The following MACROD2 variants were observed in gnomAD, a reference collection of about 807,000 sequenced individuals.
MACROD2 encodes ADP-ribose glycohydrolase MACROD2.
MACROD2 carries 36 observed loss-of-function variants against 70.4 expected under a neutral mutation model. The ratio of observed to expected loss-of-function variants is 0.51; its 90% CI spans 0.39 to 0.68. The LOEUF is 0.68. Ranked by LOEUF, MACROD2 falls within the 30% of genes least tolerant of loss-of-function variation. MACROD2 has a pLI of 0.00. For synonymous variants in MACROD2, 172 were observed against 178.8 expected, an observed-to-expected ratio of 0.96 and a Z score of 0.30; for missense variants, 496 against 538.4, an observed-to-expected ratio of 0.92 and a Z score of 0.78.
chr20:15,066,118 T>TTTTTTATTTTTAA, intron 5 of MACROD2, among the ~76,000 whole-genome samples: 1 of 151,020 alleles, frequency 6.6e-6, no homozygotes, highest in Non-Finnish European at 1.5e-5. Flanking sequence ...TTTCTTTTTT[T>TTTTTTATTTTTAA]TTTTTATTTT....
intron 5 of MACROD2, among the ~76,000 whole-genome samples, chr20:15,145,208 G>A (rs1179648863): frequency 1.3e-5 from 2 of 152,086 alleles, no homozygotes; most frequent in Non-Finnish European, 2.9e-5. Context: ...GGTGGTCAAC[G>A]CTATGCTTCC....
At chr20:14,266,107 T>C (rs1201363327) in intron 3 of MACROD2, among the ~76,000 whole-genome samples, 1 of 152,198 alleles carries the variant, frequency 6.6e-6, no homozygotes, top group African/African-American at 2.4e-5. Flanking sequence ...ACTTCATTTT[T>C]CTTTTGGCTT....
At position 15,945,495 on chromosome 20, in the gene MACROD2, C is replaced by T. The variant is rs2065809714; in HGVS notation, c.907+7951C>T. ...CAATAGACATCTTTGCACACATATCCTTATATGCTGATGCTTTTATTTGTA... is the reference window on the plus strand; with the variant it reads ...CAATAGACATCTTTGCACACATATCTTTATATGCTGATGCTTTTATTTGTA... On this transcript the variant is annotated intron_variant, in intron 12 of 17. Transcript: ENST00000684519. 3.3e-5 allele frequency among the ~76,000 whole-genome samples: 5 copies of T among 152,292 alleles called. No homozygotes were observed. The South Asian group carries it at 1.0e-3, about 32-fold the overall frequency.
chr20:14,437,433 A>C (rs1489403504), intron 3 of MACROD2, among the ~76,000 whole-genome samples: 1 of 152,064 alleles, frequency 6.6e-6, no homozygotes, highest in Non-Finnish European at 1.5e-5. Context: ...TCTCTACTAA[A>C]AATACAAAAA....
chr20:14,719,343 G>T (rs1325945737), intron 5 of MACROD2, among the ~76,000 whole-genome samples: 1 of 151,800 alleles, frequency 6.6e-6, no homozygotes, highest in Admixed American at 6.6e-5. Flanking sequence ...ACTCATTTCA[G>T]TACCTATTTT....
At chr20:15,647,733 T>TG in intron 8 of MACROD2, among the ~76,000 whole-genome samples, 1 of 151,786 alleles carries the variant, frequency 6.6e-6, no homozygotes, top group South Asian at 2.1e-4. Context: ...TTTTTTTTTT[T>TG]TTTTGAGATG....
At chr20:14,270,206 C>T (rs1348608144) in intron 3 of MACROD2, among the ~76,000 whole-genome samples, 1 of 152,048 alleles carries the variant, frequency 6.6e-6, no homozygotes, top group Non-Finnish European at 1.5e-5. Flanking sequence ...TCTATATGCA[C>T]ACAAACATAT....
At chr20:15,036,569 G>A (rs754408831) in intron 5 of MACROD2, among the ~76,000 whole-genome samples, 4 of 151,966 alleles carry the variant, frequency 2.6e-5, no homozygotes, top group East Asian at 3.9e-4. Context: ...TCATAATCAC[G>A]CACTCATCTT....
At chr20:15,095,913 G>A (rs2075828069) in intron 5 of MACROD2, among the ~76,000 whole-genome samples, 2 of 151,974 alleles carry the variant, frequency 1.3e-5, no homozygotes, top group Non-Finnish European at 2.9e-5. Context: ...AAGCAAAAGA[G>A]AGATTAAAAT....
intron 8 of MACROD2, among the ~76,000 whole-genome samples, chr20:15,558,710 T>C (rs897643387): frequency 2.6e-5 from 4 of 152,204 alleles, no homozygotes; most frequent in Admixed American, 1.3e-4. Context: ...TTGGCTGAGC[T>C]CAAGAAGTGT....
At chr20:14,830,945 GC>G (rs1807552581) in intron 5 of MACROD2, among the ~76,000 whole-genome samples, 1 of 151,988 alleles carries the variant, frequency 6.6e-6, no homozygotes, top group South Asian at 2.1e-4. Flanking sequence ...ATCTTAACTG[GC>G]TTTACCTGTA....
At chr20:14,768,520 T>C (rs1361030061) in intron 5 of MACROD2, among the ~76,000 whole-genome samples, 1 of 152,090 alleles carries the variant, frequency 6.6e-6, no homozygotes, top group Non-Finnish European at 1.5e-5. Flanking sequence ...GATCTCTTTA[T>C]GGTGCCTAGG....
At chr20:15,968,301 C>T (rs1400744750) in intron 13 of MACROD2, among the ~76,000 whole-genome samples, 3 of 152,146 alleles carry the variant, frequency 2.0e-5, no homozygotes, top group Non-Finnish European at 4.4e-5. Context: ...AATGGAGTCA[C>T]AGTTTCCAGA....
chr20:14,051,585 A>G (rs2053567771), intron 2 of MACROD2, among the ~76,000 whole-genome samples: 1 of 152,242 alleles, frequency 6.6e-6, no homozygotes, highest in African/African-American at 2.4e-5. Flanking sequence ...CACGTAAAGT[A>G]AGGATATCTT....
At chr20:15,683,997 G>A (rs2050194656) in intron 8 of MACROD2, among the ~76,000 whole-genome samples, 1 of 152,176 alleles carries the variant, frequency 6.6e-6, no homozygotes, top group Non-Finnish European at 1.5e-5. Flanking sequence ...CCACCCAAAT[G>A]ACAGATGATT....
At chr20:14,845,280 G>A (rs189903185) in intron 5 of MACROD2, among the ~76,000 whole-genome samples, 5 of 152,152 alleles carry the variant, frequency 3.3e-5, no homozygotes, top group African/African-American at 9.6e-5. Flanking sequence ...TAGTTACAAT[G>A]ATATTAATAT....
chr20:14,538,537 C>G (rs2085394030), intron 4 of MACROD2, among the ~76,000 whole-genome samples: 1 of 152,208 alleles, frequency 6.6e-6, no homozygotes, highest in Non-Finnish European at 1.5e-5. Flanking sequence ...ATTTGCTCAG[C>G]TACTATGAGC....
intron 4 of MACROD2, among the ~76,000 whole-genome samples, chr20:14,617,613 C>A (rs1021830736): frequency 6.6e-5 from 10 of 152,090 alleles, no homozygotes; most frequent in African/African-American, 2.4e-4. Context: ...GATGATTATT[C>A]ATCATTAGAG....
chr20:14,006,052 G>C (rs1053790573), intron 2 of MACROD2, among the ~76,000 whole-genome samples: 30 of 152,238 alleles, frequency 2.0e-4, no homozygotes, highest in African/African-American at 6.7e-4. Context: ...TGCCTTTTCT[G>C]TGTTTACGTA....
Sources: allele counts gnomAD v4.1 joint callset (sites outside exome capture counted in the v4.1 genomes callset), GRCh38; gene constraint gnomAD v4.1.1; transcripts MANE v1.5; gene names NCBI Gene and HGNC (gene_info 2026-07-23, HGNC 2026-07-21).